VAV2: variants seen among roughly 807,000 people sequenced by gnomAD.
The protein encoded by VAV2 is guanine nucleotide exchange factor VAV2.
Under a neutral mutation model 132.5 loss-of-function variants are expected in VAV2, and 67 were observed. That is an observed-to-expected ratio of 0.51 (90% CI 0.42 to 0.62). The LOEUF (loss-of-function observed/expected upper bound fraction) is 0.62. VAV2 is among the 20% of genes least tolerant of loss of function. VAV2 has a pLI of 0.00. For synonymous variants in VAV2, 492 were observed against 443.5 expected (o/e 1.11, Z -1.37); for missense variants, 938 against 1,153.6 (o/e 0.81, Z 2.71).
chr9:133,855,272 T>G (rs1357221114), intron 3 of VAV2, among the ~76,000 whole-genome samples: 7 of 152,142 alleles, frequency 4.6e-5, no homozygotes, highest in Non-Finnish European at 2.9e-5. Flanking sequence ...TTCACGGAGG[T>G]GTGGGAACTG....
At chr9:133,773,282 A>C (rs1833700350) in intron 25 of VAV2, among the ~76,000 whole-genome samples, 1 of 151,182 alleles carries the variant, frequency 6.6e-6, no homozygotes, top group Non-Finnish European at 1.5e-5. Flanking sequence ...CAGCCTAGAA[A>C]AGGTATGGTA....
chr9:133,973,352 A>T (rs1379183184), intron 1 of VAV2, among the ~76,000 whole-genome samples: 6 of 152,122 alleles, frequency 3.9e-5, no homozygotes, highest in Admixed American at 6.5e-5. Flanking sequence ...AAGTCCCACA[A>T]CCAGGAAAGA....
At chr9:133,906,953 T>A (rs1839679420) in intron 2 of VAV2, among the ~76,000 whole-genome samples, 1 of 152,012 alleles carries the variant, frequency 6.6e-6, no homozygotes, top group Non-Finnish European at 1.5e-5. Context: ...GCAGGGACCC[T>A]GGCCTGCCAC....
intron 12 of VAV2, among the ~76,000 whole-genome samples, chr9:133,792,475 G>T (rs1032489206): frequency 1.5e-4 from 16 of 104,458 alleles, no homozygotes; most frequent in African/African-American, 5.9e-4. Context: ...TTGTGTGTGT[G>T]ATTGTGTGAG....
intron 2 of VAV2, among the ~76,000 whole-genome samples, chr9:133,907,154 G>A (rs963379803): frequency 2.0e-5 from 3 of 152,234 alleles, no homozygotes; most frequent in Non-Finnish European, 2.9e-5. Context: ...GTGACGACAG[G>A]GAGATGGCTG....
intron 3 of VAV2, among the ~76,000 whole-genome samples, chr9:133,848,279 C>CAAAAA (rs34908811): frequency 2.5e-4 from 12 of 48,604 alleles, no homozygotes; most frequent in South Asian, 1.7e-3. Flanking sequence ...GACTCCGTCT[C>CAAAAA]AAAAAAAAAA....
chr9:133,799,519 G>A (rs975261168), intron 9 of VAV2, among the ~76,000 whole-genome samples: 1 of 152,188 alleles, frequency 6.6e-6, no homozygotes, highest in African/African-American at 2.4e-5. Context: ...GTCCCACATG[G>A]CCTGCAGGGG....
intron 3 of VAV2, among the ~76,000 whole-genome samples, chr9:133,835,432 G>A (rs1446922085): frequency 6.7e-6 from 1 of 149,130 alleles, no homozygotes; most frequent in Non-Finnish European, 1.5e-5. Context: ...AGGGAGGAGA[G>A]GCAGGAGAGG....
At chr9:133,839,094 G>A (rs1836613086) in intron 3 of VAV2, among the ~76,000 whole-genome samples, 2 of 151,840 alleles carry the variant, frequency 1.3e-5, no homozygotes, top group South Asian at 4.2e-4. Context: ...CTAGGTGGGT[G>A]CATGGATGGA....
At chr9:133,904,939 C>A (rs1019398844) in intron 2 of VAV2, among the ~76,000 whole-genome samples, 1 of 152,258 alleles carries the variant, frequency 6.6e-6, no homozygotes, top group African/African-American at 2.4e-5. Context: ...GGCAGTCAGA[C>A]TTGGGGCCCT....
chr9:133,973,012 C>G (rs139469930), intron 1 of VAV2, among the ~76,000 whole-genome samples: 29 of 152,066 alleles, frequency 1.9e-4, no homozygotes, highest in Admixed American at 7.2e-4. Context: ...CTGGGGAAGC[C>G]GTTGCCTGGA....
chr9:133,989,760 C>T (rs966965599), intron 1 of VAV2, among the ~76,000 whole-genome samples: 1 of 152,242 alleles, frequency 6.6e-6, no homozygotes, highest in African/African-American at 2.4e-5. Context: ...TTCTCCCAAC[C>T]CCTGTGTGCA....
Position 133,918,223 on chromosome 9 carries a change from G to A in VAV2, c.321+20880C>T, listed in dbSNP as rs1037238270. ...GGAAACCGTCGGAAATGCTAAAGAGGACTCGGTGCCTCCAGCTCGGCTAGA... is the reference window on the plus strand; with the variant it reads ...GGAAACCGTCGGAAATGCTAAAGAGAACTCGGTGCCTCCAGCTCGGCTAGA... On this transcript the variant is annotated intron_variant, in intron 2 of 29. Coordinates refer to ENST00000371850, the MANE Select transcript of VAV2 (RefSeq NM_001134398.2). The surrounding 1 kb of genome is among the most constrained non-coding windows in gnomAD (Gnocchi z 4.7). Among the ~76,000 whole-genome samples the A allele has an allele frequency of 2.6e-5, 4 of 152,196 alleles. No individual in the cohort carries two copies. The highest frequency in any genetic ancestry group is 5.9e-5 in the Non-Finnish European group (4 of 68,036).
intron 3 of VAV2, among the ~76,000 whole-genome samples, chr9:133,837,741 C>T (rs1036657497): frequency 6.6e-6 from 1 of 151,380 alleles, no homozygotes; most frequent in Non-Finnish European, 1.5e-5. Context: ...TTTTTAAAAA[C>T]CTGACCTTGA....
rs1269556607 is a variant in VAV2, at chr9:133,928,565, AAAGGCCTCGGGTG to A, written c.321+10525_321+10537del. Among the ~76,000 whole-genome samples, 1 of 152,200 alleles carries A rather than the reference AAAGGCCTCGGGTG, an allele frequency of 6.6e-6. No individual in the cohort carries two copies. Among genetic ancestry groups the A allele is most frequent in the Non-Finnish European group, 1.5e-5 (1 of 68,046 alleles). ...TCAGAGTCATCAGACCGACTGGCAG[AAAGGCCTCGGGTG>A]AGCACAGAGTCTTCTGCACTCAGCA... On this transcript the variant is annotated intron_variant, in intron 2 of 29. Coordinates refer to ENST00000371850, the MANE Select transcript of VAV2 (RefSeq NM_001134398.2). The surrounding 1 kb of genome is among the most constrained non-coding windows in gnomAD (Gnocchi z 5.4).
At chr9:133,858,213 G>C (rs1279400092) in intron 3 of VAV2, among the ~76,000 whole-genome samples, 1 of 152,212 alleles carries the variant, frequency 6.6e-6, no homozygotes, top group Non-Finnish European at 1.5e-5. Flanking sequence ...TGCTCACAAT[G>C]TGGTTTATGG....
intron 12 of VAV2, among the ~76,000 whole-genome samples, 179 bp downstream of exon 12, chr9:133,795,489 C>T (rs1834671784): frequency 6.6e-6 from 1 of 152,170 alleles, no homozygotes; most frequent in Non-Finnish European, 1.5e-5. Flanking sequence ...GCCCTCCACC[C>T]GTCACCTCTA....
intron 6 of VAV2, 106 bp downstream of exon 6, chr9:133,810,085 T>G: frequency 6.6e-7 from 1 of 1,525,858 alleles, no homozygotes; most frequent in South Asian, 1.2e-5. Context: ...CATGTCTTCC[T>G]GGGGGCAGGG....
At chr9:133,965,332 A>T (rs116020435) in intron 1 of VAV2, among the ~76,000 whole-genome samples, 4,852 of 151,746 alleles carry the variant, frequency 0.032, 246 homozygotes, top group African/African-American at 0.11. Flanking sequence ...TAAAAAAAAA[A>T]AATAATAATA....
Sources: allele counts gnomAD v4.1 joint callset (sites outside exome capture counted in the v4.1 genomes callset), GRCh38; gene constraint gnomAD v4.1.1; non-coding constraint Gnocchi (gnomAD v3.1); transcripts MANE v1.5; gene names NCBI Gene and HGNC (gene_info 2026-07-23, HGNC 2026-07-21).